Variants in VPS13B observed in about 807,000 individuals in gnomAD.
The protein encoded by VPS13B is intermembrane lipid transfer protein VPS13B.
VPS13B carries 285 observed loss-of-function variants against 426.4 expected under a neutral mutation model. The ratio of observed to expected loss-of-function variants is 0.67; its 90% CI spans 0.61 to 0.74. The LOEUF (loss-of-function observed/expected upper bound fraction) is 0.74. VPS13B is among the 30% of genes least tolerant of loss of function. VPS13B has a pLI of 0.00. For missense variants in VPS13B, 4,537 were observed against 4,782.6 expected, an observed-to-expected ratio of 0.95 and a Z score of 1.51; for synonymous variants, 1,676 against 1,676.4, an observed-to-expected ratio of 1.00 and a Z score of 0.01.
At chr8:99,685,790 A>C (rs143923372) in intron 35 of VPS13B, among the ~76,000 whole-genome samples, 187 of 152,288 alleles carry the variant, frequency 1.2e-3, no homozygotes, top group African/African-American at 4.2e-3. Context: ...CAAAAGAACT[A>C]TTTTGAATTC....
At chr8:99,438,672 C>T (rs1311506840) in intron 22 of VPS13B, among the ~76,000 whole-genome samples, 1 of 152,208 alleles carries the variant, frequency 6.6e-6, no homozygotes, top group South Asian at 2.1e-4. Flanking sequence ...GGCCCCAAAT[C>T]AGGGATATTT....
intron 19 of VPS13B, among the ~76,000 whole-genome samples, chr8:99,379,365 G>A (rs981607331): frequency 1.3e-5 from 2 of 152,056 alleles, no homozygotes; most frequent in East Asian, 3.9e-4. Context: ...GATGGGCGGG[G>A]GGGCAACAGA....
At chr8:99,118,042 A>G (rs1847760401) in intron 7 of VPS13B, among the ~76,000 whole-genome samples, 1 of 152,234 alleles carries the variant, frequency 6.6e-6, no homozygotes, top group South Asian at 2.1e-4. Flanking sequence ...ACTAGAGGGT[A>G]AATTTTTGTT....
chr8:99,396,194 C>A (rs1814718308), intron 21 of VPS13B, among the ~76,000 whole-genome samples: 1 of 152,032 alleles, frequency 6.6e-6, no homozygotes, highest in Non-Finnish European at 1.5e-5. Context: ...GCCATGTAGA[C>A]ATCTGTGGAT....
At chr8:99,389,549 T>A (rs1814309634) in intron 20 of VPS13B, 1 of 152,060 alleles carries the variant, frequency 6.6e-6, no homozygotes. Flanking sequence ...ATTCTTACAT[T>A]AAAGTAGATA....
intron 61 of VPS13B, among the ~76,000 whole-genome samples, chr8:99,873,729 C>A (rs893020711): frequency 9.9e-5 from 15 of 152,172 alleles, no homozygotes; most frequent in African/African-American, 3.6e-4. Flanking sequence ...TGAGACTAAA[C>A]CCTCCCAAGT....
chr8:99,180,357 G>T (rs903166638), intron 16 of VPS13B, among the ~76,000 whole-genome samples: 10 of 152,076 alleles, frequency 6.6e-5, no homozygotes, highest in African/African-American at 1.9e-4. Flanking sequence ...TGGGTCCATG[G>T]TATAATTCCA....
At chr8:99,647,631 T>C (rs1208613337) in intron 34 of VPS13B, among the ~76,000 whole-genome samples, 1 of 151,824 alleles carries the variant, frequency 6.6e-6, no homozygotes, top group East Asian at 1.9e-4. Context: ...ATAGTTCTTA[T>C]GTAACTATAA....
chr8:99,187,732 G>C (rs1245218454), intron 16 of VPS13B, among the ~76,000 whole-genome samples: 1 of 152,154 alleles, frequency 6.6e-6, no homozygotes, highest in East Asian at 1.9e-4. Flanking sequence ...ACTTTGGGAG[G>C]GTGAGGCAGG....
In VPS13B at chr8:99,633,899, G is replaced by T. The variant is rs193256458; in HGVS notation, c.5221-7912G>T. 6.0e-3 allele frequency among the ~76,000 whole-genome samples: 908 copies of T among 150,512 alleles called. 3 individuals carry two copies. Among genetic ancestry groups the T allele is most frequent in the Middle Eastern group, 0.027 (8 of 292 alleles). ...AAGTCAAACTTAAACTCAGAGCCTA[G>T]TATAAATCAATTAGATCCAGTCTCC... On this transcript the variant is annotated intron_variant, in intron 33 of 61. Transcript: ENST00000357162.
At chr8:99,712,446 A>AAAG (rs1832740247) in intron 36 of VPS13B, among the ~76,000 whole-genome samples, 1 of 152,214 alleles carries the variant, frequency 6.6e-6, no homozygotes, top group African/African-American at 2.4e-5. Flanking sequence ...AAAGTCCCAT[A>AAAG]AAGTTCCCCA....
chr8:99,479,122 AG>A (rs1460765607), intron 24 of VPS13B, among the ~76,000 whole-genome samples: 1 of 152,054 alleles, frequency 6.6e-6, no homozygotes, highest in Non-Finnish European at 1.5e-5. Flanking sequence ...ACTCTTCATC[AG>A]CCCTGTATCT....
chr8:99,270,130 T>TA (rs1818501698), intron 17 of VPS13B, among the ~76,000 whole-genome samples: 1 of 108,084 alleles, frequency 9.3e-6, no homozygotes, highest in African/African-American at 3.6e-5. Context: ...GATATAAGAA[T>TA]CTTTTTTTTT....
At chr8:99,305,797 G>A (rs1280250232) in intron 19 of VPS13B, among the ~76,000 whole-genome samples, 1 of 152,006 alleles carries the variant, frequency 6.6e-6, no homozygotes, top group Admixed American at 6.6e-5. Context: ...TTATCAAGAG[G>A]CAAAAATAAA....
rs181526774 is a variant in VPS13B, at chr8:99,876,480, A to G, written c.*814A>G. On this transcript the variant is annotated 3_prime_UTR_variant, in exon 62 of 62. Transcript: ENST00000357162. Reference sequence around the variant, plus strand: ...TGTCCTATATTGAATCCAGTCCCAAAGTGTTCAGGTGAGTTTCTCTAGTTC... The same window carrying G: ...TGTCCTATATTGAATCCAGTCCCAAGGTGTTCAGGTGAGTTTCTCTAGTTC... The G allele has an allele frequency of 6.6e-6, 1 of 152,354 alleles. No homozygotes were observed. The highest frequency in any genetic ancestry group is 1.9e-4 in the East Asian group (1 of 5,192). The allele number at this position is 152,354 out of a possible 1,614,324, so 9.4% of individuals were successfully genotyped here.
intron 17 of VPS13B, among the ~76,000 whole-genome samples, chr8:99,202,974 C>A (rs574815914): frequency 6.6e-6 from 1 of 151,316 alleles, no homozygotes; most frequent in South Asian, 2.1e-4. Flanking sequence ...GTGGAGCTTG[C>A]AGTGGAGCTT....
Position 99,875,841 on chromosome 8 carries a change from T to G in VPS13B, c.*175T>G, listed in dbSNP as rs1325777974. On this transcript the variant is annotated 3_prime_UTR_variant, in exon 62 of 62. Coordinates refer to ENST00000357162, the MANE Select transcript of VPS13B (RefSeq NM_152564.5). Reference sequence around the variant, plus strand: ...ACCTGCCACCATAAAGGGCTGCATTTTGCCACCATAAAGGGCTGCATTTTT... The same window carrying G: ...ACCTGCCACCATAAAGGGCTGCATTGTGCCACCATAAAGGGCTGCATTTTT... 8 of 793,560 alleles carry G rather than the reference T, an allele frequency of 1.0e-5. No individual in the cohort carries two copies. Among genetic ancestry groups the G allele is most frequent in the Non-Finnish European group, 1.6e-5 (8 of 504,416 alleles). 49.2% of individuals were successfully genotyped at this position (793,560 alleles called of 1,614,324 possible).
chr8:99,135,478 C>G, intron 10 of VPS13B, 118 bp from the exon 11 acceptor site: 1 of 1,335,860 alleles, frequency 7.5e-7, no homozygotes, highest in Non-Finnish European at 1.0e-6. Flanking sequence ...CATTCCTTAT[C>G]TTTCTGTTTT....
At chr8:99,841,487 G>T (rs1815680471) in intron 54 of VPS13B, among the ~76,000 whole-genome samples, 1 of 152,168 alleles carries the variant, frequency 6.6e-6, no homozygotes, top group Non-Finnish European at 1.5e-5. Context: ...AAATAAAATG[G>T]ATTCAGATAA....
Sources: gnomAD v4.1 joint callset for allele counts (sites outside exome capture counted in the v4.1 genomes callset) on GRCh38, gnomAD v4.1.1 for gene constraint, MANE v1.5 for transcripts, NCBI Gene and HGNC (gene_info 2026-07-23, HGNC 2026-07-21) for gene names.